PEX14: variants seen among roughly 807,000 people sequenced by gnomAD.
The protein encoded by PEX14 is peroxisomal biogenesis factor 14, also known as peroxisomal membrane protein PEX14.
PEX14 carries 15 observed loss-of-function variants against 49.5 expected under a neutral mutation model. That is an observed-to-expected ratio of 0.30 (90% CI 0.20 to 0.47). The LOEUF (loss-of-function observed/expected upper bound fraction) is 0.47. Among genes scored for constraint, PEX14 ranks in the 20% least tolerant of loss-of-function variants. PEX14 has a pLI of 1.00. For missense variants in PEX14, 398 were observed against 494.8 expected (o/e 0.80, Z 1.86); for synonymous variants, 210 against 212.7 (o/e 0.99, Z 0.11).
chr1:10,570,980 T>C (rs1052766450), intron 3 of PEX14, among the ~76,000 whole-genome samples: 1 of 150,602 alleles, frequency 6.6e-6, no homozygotes, highest in South Asian at 2.1e-4. Flanking sequence ...TCCCAAATAG[T>C]TGGAAGTACA....
At chr1:10,550,300 C>T (rs1248744868) in intron 3 of PEX14, among the ~76,000 whole-genome samples, 1 of 152,196 alleles carries the variant, frequency 6.6e-6, no homozygotes, top group African/African-American at 2.4e-5. Flanking sequence ...CTAGGAACTC[C>T]TGCAGCAGTG....
At position 10,623,140 on chromosome 1, in the gene PEX14, A is replaced by G. The variant is rs1450965847; in HGVS notation, c.487+19A>G. 2 of 1,548,146 alleles carry G rather than the reference A, an allele frequency of 1.3e-6. No individual in the cohort carries two copies. The highest frequency in any genetic ancestry group is 1.1e-5 in the South Asian group (1 of 88,722). On this transcript the variant is annotated intron_variant, in intron 6 of 8. Transcript: ENST00000356607. The surrounding 1 kb of genome is among the most constrained non-coding windows in gnomAD (Gnocchi z 4.4). The stretch of plus-strand genomic sequence containing the variant: ...CAGACAGGTAAAGATTAATGACTCC[A>G]TCAAGTCACCCCTCACAGCCTTCTC...
At chr1:10,580,300 C>T (rs2124567928) in intron 3 of PEX14, among the ~76,000 whole-genome samples, 1 of 152,284 alleles carries the variant, frequency 6.6e-6, no homozygotes, top group East Asian at 1.9e-4. Flanking sequence ...TCTCAACTCA[C>T]TGCAACTTCT....
At chr1:10,602,084 A>T (rs1641000486) in intron 4 of PEX14, among the ~76,000 whole-genome samples, 1 of 152,240 alleles carries the variant, frequency 6.6e-6, no homozygotes, top group Admixed American at 6.5e-5. Flanking sequence ...TTTCTGAAAG[A>T]GGCAAAAGAA....
At chr1:10,619,315 A>G (rs1249839822) in intron 5 of PEX14, among the ~76,000 whole-genome samples, 3 of 129,038 alleles carry the variant, frequency 2.3e-5, no homozygotes, top group Non-Finnish European at 5.0e-5. Context: ...CTGATTGGTG[A>G]TTTTTTTTTT....
chr1:10,518,697 C>T (rs998872950), intron 2 of PEX14, among the ~76,000 whole-genome samples: 2 of 152,138 alleles, frequency 1.3e-5, no homozygotes, highest in Non-Finnish European at 2.9e-5. Context: ...AAGAAGGAGG[C>T]CTGCTATATG....
chr1:10,586,223 C>G (rs2124579284), intron 3 of PEX14, among the ~76,000 whole-genome samples: 1 of 152,298 alleles, frequency 6.6e-6, no homozygotes, highest in Non-Finnish European at 1.5e-5. Flanking sequence ...AAAAAGTATT[C>G]AGTCTCGGTC....
At chr1:10,607,630 A>G (rs1191682111) in intron 4 of PEX14, among the ~76,000 whole-genome samples, 1 of 152,068 alleles carries the variant, frequency 6.6e-6, no homozygotes, top group Admixed American at 6.6e-5. Flanking sequence ...TATTTCTTTG[A>G]TGACTGATTA....
At chr1:10,537,240 T>G (rs996606226) in intron 3 of PEX14, among the ~76,000 whole-genome samples, 2 of 148,922 alleles carry the variant, frequency 1.3e-5, no homozygotes, top group Non-Finnish European at 3.0e-5. Context: ...CCCAAACATT[T>G]CACCACAGGC....
intron 3 of PEX14, among the ~76,000 whole-genome samples, chr1:10,585,727 C>CT (rs1640462555): frequency 2.0e-5 from 3 of 152,196 alleles, no homozygotes; most frequent in African/African-American, 7.2e-5. Flanking sequence ...CAAGACCAGC[C>CT]TGGCCAACAT....
intron 2 of PEX14, among the ~76,000 whole-genome samples, chr1:10,522,345 C>T (rs960842068): frequency 6.6e-6 from 1 of 152,172 alleles, no homozygotes; most frequent in East Asian, 1.9e-4. Context: ...GAACGAGGAC[C>T]AATGGTTAGG....
At chr1:10,561,057 A>C (rs1639640208) in intron 3 of PEX14, among the ~76,000 whole-genome samples, 1 of 152,042 alleles carries the variant, frequency 6.6e-6, no homozygotes, top group Non-Finnish European at 1.5e-5. Flanking sequence ...CTACACACAC[A>C]CATATACACA....
intron 2 of PEX14, chr1:10,517,162 G>C (rs144598195): frequency 6.6e-6 from 1 of 152,192 alleles, no homozygotes; most frequent in Non-Finnish European, 1.5e-5. Flanking sequence ...AGGGAGAATC[G>C]AATTCTCTTT....
At position 10,623,108 on chromosome 1, in the gene PEX14, C is replaced by T. The variant is rs145867351; in HGVS notation, c.474C>T (p.Ser158=). 15 of 1,612,404 alleles carry T rather than the reference C, an allele frequency of 9.3e-6. No individual in the cohort carries two copies. Among genetic ancestry groups the T allele is most frequent in the Admixed American group, 8.3e-5 (5 of 59,964 alleles). ...CCGGTCTCTCTGAGCTGAGTGGCAG[C>T]GTGGCCCAGACAGGTAAAGATTAAT... ...MEAGLSELSG[S]VAQTVTQLQT... Residue 158 remains serine, a synonymous_variant, in exon 6 of 9, where the codon AGC becomes AGT. Coordinates refer to ENST00000356607, the MANE Select transcript of PEX14 (RefSeq NM_004565.3). This position sits in a 1 kb window ranked among gnomAD's most constrained non-coding sequence, Gnocchi z 4.4.
chr1:10,500,719 C>T (rs774429628), intron 2 of PEX14, among the ~76,000 whole-genome samples: 11 of 152,124 alleles, frequency 7.2e-5, no homozygotes, highest in African/African-American at 1.2e-4. Context: ...GGACTATAGG[C>T]GTGCACCACC....
intron 5 of PEX14, among the ~76,000 whole-genome samples, chr1:10,619,943 G>A (rs574846370): frequency 6.6e-5 from 10 of 151,892 alleles, no homozygotes; most frequent in Non-Finnish European, 1.2e-4. Flanking sequence ...GTGAAACCCC[G>A]ACTCTACTAA....
intron 3 of PEX14, among the ~76,000 whole-genome samples, chr1:10,572,771 C>T (rs751857497): frequency 3.9e-5 from 6 of 152,122 alleles, no homozygotes; most frequent in African/African-American, 9.7e-5. Flanking sequence ...CTCCTGACCT[C>T]GTGATCCGCT....
intron 3 of PEX14, among the ~76,000 whole-genome samples, chr1:10,554,142 A>T (rs1639415502): frequency 6.6e-6 from 1 of 150,826 alleles, no homozygotes; most frequent in African/African-American, 2.4e-5. Context: ...ACAAAAAAAA[A>T]AAAAAAAAAA....
intron 2 of PEX14, among the ~76,000 whole-genome samples, chr1:10,518,107 G>A (rs1211454138): frequency 1.3e-5 from 2 of 151,942 alleles, no homozygotes; most frequent in East Asian, 3.9e-4. Flanking sequence ...TTATTTGTAG[G>A]TTGACCTTTT....
Sources: allele counts gnomAD v4.1 joint callset (sites outside exome capture counted in the v4.1 genomes callset), GRCh38; gene constraint gnomAD v4.1.1; non-coding constraint Gnocchi (gnomAD v3.1); transcripts MANE v1.5; gene names NCBI Gene and HGNC (gene_info 2026-07-23, HGNC 2026-07-21).